SNX18: variants seen among roughly 807,000 people sequenced by gnomAD.
The protein encoded by SNX18 is sorting nexin 18.
SNX18 carries 35 observed loss-of-function variants against 48.7 expected under a neutral mutation model. That is an observed-to-expected ratio of 0.72 (90% CI 0.55 to 0.95). SNX18 has a LOEUF of 0.95. Ranked by LOEUF, SNX18 falls within the 40% of genes least tolerant of loss-of-function variation. SNX18 has a pLI of 0.00. For missense variants in SNX18, 824 were observed against 871.0 expected (o/e 0.95, Z 0.68); for synonymous variants, 492 against 384.7 (o/e 1.28, Z -3.26).
At chr5:54,578,836 TAC>T in the SNX18 span, among the ~76,000 whole-genome samples, 1 of 152,188 alleles carries the variant, frequency 6.6e-6, no homozygotes, top group Non-Finnish European at 1.5e-5. Flanking sequence ...TTGATTAAGA[TAC>T]ACACTGGACT....
chr5:54,616,399 A>C, the SNX18 span, among the ~76,000 whole-genome samples: 1 of 64 alleles, frequency 0.016, no homozygotes, highest in Admixed American at 0.083. Context: ...CAGGAGAAAT[A>C]GACTATGCAT....
chr5:54,518,550 G>C lies in SNX18; in HGVS notation c.598G>C (p.Asp200His). 6.3e-7 allele frequency: 1 copy of C among 1,588,154 alleles called. No individual in the cohort carries two copies. The highest frequency in any genetic ancestry group is 8.6e-7 in the Non-Finnish European group (1 of 1,168,158). ...AGRYRLSTRS[D>H]LSLGSRGGSV... ...CCGCTACCGCCTGTCCACGCGCTCCGACCTGTCCCTGGGTTCCCGCGGCGG... is the reference window on the plus strand; with the variant it reads ...CCGCTACCGCCTGTCCACGCGCTCCCACCTGTCCCTGGGTTCCCGCGGCGG... Residue 200 changes from aspartate (D) to histidine (H), a missense_variant, in exon 1 of 2, where the codon GAC (aspartate) becomes CAC (histidine). Transcript: ENST00000381410.
the SNX18 span, among the ~76,000 whole-genome samples, chr5:54,570,433 C>T: frequency 2.0e-5 from 3 of 152,312 alleles, no homozygotes; most frequent in South Asian, 2.1e-4. Context: ...GAGGCAAACA[C>T]GGTTTTCCAT....
At chr5:54,553,828 C>G in the SNX18 span, among the ~76,000 whole-genome samples, 2 of 152,310 alleles carry the variant, frequency 1.3e-5, no homozygotes, top group South Asian at 4.1e-4. Context: ...CTGATTAGCT[C>G]TAGCATCTCC....
chr5:54,536,726 A>G (rs1762364072), intron 1 of SNX18, among the ~76,000 whole-genome samples: 1 of 152,188 alleles, frequency 6.6e-6, no homozygotes, highest in Non-Finnish European at 1.5e-5. Context: ...ATGATTTATA[A>G]TCCTTTGGAT....
intron 1 of SNX18, among the ~76,000 whole-genome samples, chr5:54,527,505 A>G (rs1762158147): frequency 1.3e-5 from 2 of 152,210 alleles, no homozygotes; most frequent in Admixed American, 6.5e-5. Flanking sequence ...CTGGCCTACA[A>G]TAAGAATTGT....
chr5:54,571,212 A>C, the SNX18 span, among the ~76,000 whole-genome samples: 1 of 151,958 alleles, frequency 6.6e-6, no homozygotes, highest in African/African-American at 2.4e-5. Context: ...AGACATGGGC[A>C]CATGGGGAAA....
At position 54,517,806 on chromosome 5, in the gene SNX18, G is replaced by T. The variant is rs1037198023; in HGVS notation, c.-147G>T. 2.6e-6 allele frequency: 2 copies of T among 766,756 alleles called. No individual in the cohort carries two copies. Among genetic ancestry groups the T allele is most frequent in the Non-Finnish European group, 1.8e-6 (1 of 559,730 alleles). The allele number at this position is 766,756 out of a possible 1,614,324, so 47.5% of individuals were successfully genotyped here. On this transcript the variant is annotated 5_prime_UTR_variant, in exon 1 of 2. Transcript: ENST00000381410. ...CGCTGCGAGCGGAGCCGCGCGGAGG[G>T]CGCGACCGGCTGGTCCGGGCAGCGT...
At chr5:54,612,490 C>T in the SNX18 span, among the ~76,000 whole-genome samples, 1 of 152,032 alleles carries the variant, frequency 6.6e-6, no homozygotes, top group Non-Finnish European at 1.5e-5. Context: ...GTCTCGAACT[C>T]CTGACTTCAT....
the SNX18 span, among the ~76,000 whole-genome samples, chr5:54,611,596 C>A: frequency 2.2e-4 from 33 of 152,290 alleles, no homozygotes; most frequent in African/African-American, 7.9e-4. Context: ...GCTAGGAAAT[C>A]GTGTCTACTG....
the SNX18 span, among the ~76,000 whole-genome samples, chr5:54,617,458 T>A: frequency 6.6e-6 from 1 of 152,198 alleles, no homozygotes; most frequent in African/African-American, 2.4e-5. Context: ...CAAGTAAAAC[T>A]TCTCAAAATT....
Position 54,519,533 on chromosome 5 carries a change from G to A in SNX18, c.1581G>A (p.Gly527=), listed in dbSNP as rs750234386. Residue 527 remains glycine, a synonymous_variant, in exon 1 of 2, where the codon GGG becomes GGA. Coordinates refer to ENST00000381410, the MANE Select transcript of SNX18 (RefSeq NM_001102575.2). The part of the protein sequence containing the change: ...PVMDLLALYQ[G]HLANFPDIIH... ...TGGACCTATTAGCGCTGTATCAGGG[G>A]CATCTGGCTAACTTCCCGGACATCA... The A allele has an allele frequency of 8.1e-6, 13 of 1,614,230 alleles. No homozygotes were observed. Among genetic ancestry groups the A allele is most frequent in the Non-Finnish European group, 8.5e-6 (10 of 1,180,036 alleles).
the SNX18 span, among the ~76,000 whole-genome samples, chr5:54,641,038 C>T: frequency 4.6e-5 from 7 of 151,766 alleles, no homozygotes; most frequent in African/African-American, 7.3e-5. Context: ...CCAGCCTGCA[C>T]GACAAAGCAA....
chr5:54,519,169 A>G lies in SNX18; in HGVS notation c.1217A>G (p.Asn406Ser). Residue 406 changes from asparagine to serine, a missense_variant, in exon 1 of 2, where the codon AAC (asparagine) becomes AGC (serine). By Grantham distance (46) the Asn-to-Ser change is conservative (BLOSUM62 1). This residue lies in a region of SNX18 where 443 missense variants were observed against 503.6 expected (regional missense o/e 0.88). Transcript: ENST00000381410. ...GAGAAGGACGAGATGGTGGGCGCCAACTTCTTCCTGACCCTTAGCACGCCC... is the reference window on the plus strand; with the variant it reads ...GAGAAGGACGAGATGGTGGGCGCCAGCTTCTTCCTGACCCTTAGCACGCCC... ...KAEKDEMVGA[N>S]FFLTLSTPPA... 1.2e-6 allele frequency: 2 copies of G among 1,613,738 alleles called. No homozygotes were observed. The highest frequency in any genetic ancestry group is 8.5e-7 in the Non-Finnish European group (1 of 1,179,778).
At chr5:54,568,992 A>G in the SNX18 span, among the ~76,000 whole-genome samples, 1 of 151,718 alleles carries the variant, frequency 6.6e-6, no homozygotes, top group Non-Finnish European at 1.5e-5. Flanking sequence ...ACAGGTGCAC[A>G]TCACTACACC....
intron 1 of SNX18, chr5:54,520,189 A>C (rs754020762): frequency 4.5e-6 from 1 of 222,762 alleles, no homozygotes; most frequent in Non-Finnish European, 9.8e-6. Flanking sequence ...ACTGAAATTG[A>C]GAACGTTGTT....
chr5:54,636,173 T>G, the SNX18 span, among the ~76,000 whole-genome samples: 1 of 152,304 alleles, frequency 6.6e-6, no homozygotes, highest in Admixed American at 6.5e-5. Flanking sequence ...CTTCTGAAGC[T>G]TTCCATGATG....
the SNX18 span, among the ~76,000 whole-genome samples, chr5:54,585,461 A>G: frequency 6.6e-6 from 1 of 151,994 alleles, no homozygotes. Context: ...GGGTGGGTTG[A>G]GAGTCACAGA....
chr5:54,518,084 C>A lies in SNX18; in HGVS notation c.132C>A (p.Ser44Arg). 1 of 1,527,236 alleles carries A rather than the reference C, an allele frequency of 6.5e-7. No individual in the cohort carries two copies. The highest frequency in any genetic ancestry group is 8.7e-7 in the Non-Finnish European group (1 of 1,143,218). The allele number at this position is 1,527,236 out of a possible 1,614,324, so 94.6% of individuals were successfully genotyped here. Residue 44 changes from serine to arginine, a missense_variant, in exon 1 of 2, where the codon AGC becomes AGA. Physicochemically the swap from Ser to Arg is moderately radical, Grantham distance 110. Coordinates refer to ENST00000381410, the MANE Select transcript of SNX18 (RefSeq NM_001102575.2). Reference sequence around the variant, plus strand: ...AGGGCTGGCTCGAGGGGGTCAACAGCCGCGGCGACCGCGGCCTCTTCCCGG... The same window carrying A: ...AGGGCTGGCTCGAGGGGGTCAACAGACGCGGCGACCGCGGCCTCTTCCCGG... ...DIEGWLEGVNSRGDRGLFPAS... is the reference protein window; with the variant it reads ...DIEGWLEGVNRRGDRGLFPAS...
Sources: allele counts gnomAD v4.1 joint callset (sites outside exome capture counted in the v4.1 genomes callset), GRCh38; gene constraint gnomAD v4.1.1; regional missense constraint gnomAD v4.1.1; transcripts MANE v1.5; gene names NCBI Gene and HGNC (gene_info 2026-07-23, HGNC 2026-07-21).